Variants in HMGCLL1 observed in about 807,000 individuals in gnomAD.
The protein encoded by HMGCLL1 is 3-hydroxy-3-methylglutaryl-CoA lyase like 1, also known as 3-hydroxymethyl-3-methylglutaryl-CoA lyase, cytoplasmic.
HMGCLL1 carries 36 observed loss-of-function variants against 39.1 expected under a neutral mutation model. That is an observed-to-expected ratio of 0.92 (90% CI 0.71 to 1.22). HMGCLL1 has a LOEUF of 1.22. Among genes scored for constraint, HMGCLL1 ranks in the 50% most tolerant of loss-of-function variants. HMGCLL1 has a pLI of 0.00. For missense variants in HMGCLL1, 451 were observed against 416.5 expected (o/e 1.08, Z -0.72); for synonymous variants, 149 against 144.0 (o/e 1.03, Z -0.25).
the HMGCLL1 span, among the ~76,000 whole-genome samples, chr6:55,587,350 T>C: frequency 2.0e-5 from 3 of 152,076 alleles, no homozygotes; most frequent in Admixed American, 1.3e-4. Context: ...AGGTCGCCTG[T>C]ACAGACAAGC....
At chr6:55,657,792 C>A in the HMGCLL1 span, among the ~76,000 whole-genome samples, 6 of 151,812 alleles carry the variant, frequency 4.0e-5, no homozygotes, top group Non-Finnish European at 7.4e-5. Flanking sequence ...TTATCCTTAG[C>A]AAACTAATAC....
upstream of HMGCLL1, among the ~76,000 whole-genome samples, chr6:55,579,513 G>A (rs1319231670): frequency 6.6e-6 from 1 of 152,122 alleles, no homozygotes; most frequent in Non-Finnish European, 1.5e-5. Context: ...GCAGCCTTGG[G>A]TGCTCAAGTG....
At chr6:55,532,131 T>G (rs1225149193) in intron 3 of HMGCLL1, among the ~76,000 whole-genome samples, 1 of 152,156 alleles carries the variant, frequency 6.6e-6, no homozygotes, top group Non-Finnish European at 1.5e-5. Context: ...TTTGGTTATT[T>G]TTTTAAATCT....
rs1554149503 is a variant in HMGCLL1, at chr6:55,516,449, A to T, written c.393+59T>A. On this transcript the variant is annotated intron_variant, in intron 4 of 8. Coordinates refer to ENST00000274901, the MANE Select transcript of HMGCLL1 (RefSeq NM_001042406.2). Reference sequence around the variant, plus strand: ...ACATATGACACAATTTTAACTTTGTAAATATCTTTAAAACGATAAGAGGCC... The same window carrying T: ...ACATATGACACAATTTTAACTTTGTTAATATCTTTAAAACGATAAGAGGCC... 38 of 1,107,254 alleles carry T rather than the reference A, an allele frequency of 3.4e-5. No individual in the cohort carries two copies. The Middle Eastern group carries it at 8.2e-4, about 24-fold the overall frequency. 68.6% of individuals were successfully genotyped at this position (1,107,254 alleles called of 1,614,324 possible). A position where few individuals can be genotyped will look rare whatever the true frequency, so the allele number is the denominator to read the frequency against.
At chr6:55,479,387 T>C (rs1346924775) in intron 7 of HMGCLL1, among the ~76,000 whole-genome samples, 1 of 151,600 alleles carries the variant, frequency 6.6e-6, no homozygotes, top group Non-Finnish European at 1.5e-5. Context: ...GTTTGCATTA[T>C]ACTATGTGGT....
At chr6:55,525,144 C>T (rs1768251545) in intron 3 of HMGCLL1, among the ~76,000 whole-genome samples, 1 of 151,674 alleles carries the variant, frequency 6.6e-6, no homozygotes, top group South Asian at 2.1e-4. Flanking sequence ...TCCCTTACTT[C>T]AATCCACAGA....
At chr6:55,674,046 G>A in the HMGCLL1 span, among the ~76,000 whole-genome samples, 1 of 151,964 alleles carries the variant, frequency 6.6e-6, no homozygotes, top group African/African-American at 2.4e-5. Context: ...TAATTGGTAG[G>A]CTGAGAGTAA....
the HMGCLL1 span, among the ~76,000 whole-genome samples, chr6:55,668,572 T>C: frequency 6.6e-6 from 1 of 151,790 alleles, no homozygotes; most frequent in Admixed American, 6.6e-5. Context: ...TAGCAATATG[T>C]GGATAAAGAA....
At chr6:55,640,216 G>A in the HMGCLL1 span, among the ~76,000 whole-genome samples, 1 of 152,092 alleles carries the variant, frequency 6.6e-6, no homozygotes, top group African/African-American at 2.4e-5. Context: ...TCCAAAAGTT[G>A]AAGATGTTCA....
At chr6:55,482,629 A>G (rs1472772362) in intron 7 of HMGCLL1, among the ~76,000 whole-genome samples, 1 of 152,142 alleles carries the variant, frequency 6.6e-6, no homozygotes, top group African/African-American at 2.4e-5. Flanking sequence ...GGTTTTGGTT[A>G]CTGAAGCAAA....
chr6:55,477,244 TATAA>T (rs1765396421), intron 7 of HMGCLL1, among the ~76,000 whole-genome samples: 1 of 20,330 alleles, frequency 4.9e-5, no homozygotes, highest in African/African-American at 3.6e-4. Context: ...ATTATATTTA[TATAA>T]TATATAATAT....
intron 3 of HMGCLL1, among the ~76,000 whole-genome samples, chr6:55,518,911 G>A (rs1355086760): frequency 2.6e-5 from 4 of 152,046 alleles, no homozygotes; most frequent in Admixed American, 1.3e-4. Context: ...GTTTACTTAT[G>A]CCACTAAGTT....
the HMGCLL1 span, among the ~76,000 whole-genome samples, chr6:55,650,855 A>G: frequency 6.6e-6 from 1 of 151,912 alleles, no homozygotes; most frequent in Non-Finnish European, 1.5e-5. Context: ...CCAGGCCACC[A>G]CGAATTTTTA....
chr6:55,622,826 T>C, the HMGCLL1 span, among the ~76,000 whole-genome samples: 2 of 152,080 alleles, frequency 1.3e-5, no homozygotes, highest in Non-Finnish European at 2.9e-5. Flanking sequence ...TAGCATAGTT[T>C]CAGTAGGAGA....
chr6:55,522,617 G>A (rs7740208), intron 3 of HMGCLL1, among the ~76,000 whole-genome samples: 103,312 of 151,780 alleles, frequency 0.68, 35,211 homozygotes, highest in Admixed American at 0.72. Context: ...AACAAATGCA[G>A]TTACAAAGCT....
At chr6:55,605,743 T>C in the HMGCLL1 span, among the ~76,000 whole-genome samples, 2 of 152,260 alleles carry the variant, frequency 1.3e-5, no homozygotes, top group East Asian at 1.9e-4. Flanking sequence ...CCTCCAGTAA[T>C]AGTGAGTAAC....
chr6:55,461,394 T>C (rs1764558640), intron 7 of HMGCLL1, among the ~76,000 whole-genome samples: 1 of 151,992 alleles, frequency 6.6e-6, no homozygotes, highest in East Asian at 1.9e-4. Context: ...AAAATAATAC[T>C]ATGTCCACCA....
Position 55,514,095 on chromosome 6 carries a change from A to G in HMGCLL1, c.495T>C (p.Phe165=), listed in dbSNP as rs1182665902. The G allele has an allele frequency of 1.2e-6, 2 of 1,613,242 alleles. No individual in the cohort carries two copies. The highest frequency in any genetic ancestry group is 8.5e-7 in the Non-Finnish European group (1 of 1,179,578). ...NCSIEESMGK[F]EEVVKSARHM... ...GTCTTGCAGACTTAACAACCTCCTCAAATTTTCCCATACTTTCTTCAATGG... is the reference window on the plus strand; with the variant it reads ...GTCTTGCAGACTTAACAACCTCCTCGAATTTTCCCATACTTTCTTCAATGG... Residue 165 remains phenylalanine, a synonymous_variant, in exon 5 of 9, where the codon TTT becomes TTC. Transcript: ENST00000274901.
At chr6:55,545,801 A>C (rs978918853) in intron 1 of HMGCLL1, among the ~76,000 whole-genome samples, 4 of 152,154 alleles carry the variant, frequency 2.6e-5, no homozygotes, top group African/African-American at 4.8e-5. Flanking sequence ...CATTAGAAAA[A>C]AAAAGTCAAT....
Sources: allele counts gnomAD v4.1 joint callset (sites outside exome capture counted in the v4.1 genomes callset), GRCh38; gene constraint gnomAD v4.1.1; transcripts MANE v1.5; gene names NCBI Gene and HGNC (gene_info 2026-07-23, HGNC 2026-07-21).